The following PTCH2 variants were observed in gnomAD, a reference collection of about 807,000 sequenced individuals.
PTCH2 encodes protein patched homolog 2.
Under a neutral mutation model 117.9 loss-of-function variants are expected in PTCH2, and 96 were observed. The observed-to-expected ratio is 0.81, with a 90% CI of 0.69 to 0.96. The LOEUF is 0.96. Among genes scored for constraint, PTCH2 ranks in the 50% least tolerant of loss-of-function variants. The pLI is 0.00. For missense variants in PTCH2, 1,379 were observed against 1,562.5 expected, an observed-to-expected ratio of 0.88 and a Z score of 1.98; for synonymous variants, 615 against 660.9, an observed-to-expected ratio of 0.93 and a Z score of 1.06.
rs1277997297 is a variant in PTCH2, at chr1:44,826,331, G to A, written c.3033C>T (p.Gly1011=). The A allele has an allele frequency of 2.5e-6, 4 of 1,614,012 alleles. No individual in the cohort carries two copies. Among genetic ancestry groups the A allele is most frequent in the Non-Finnish European group, 3.4e-6 (4 of 1,180,036 alleles). ...CCACGGGGATGGCACTCAGCTTGAT[G>A]CCCAGGAAACCCATGATACCAAAGA... ...VELFGIMGFL[G]IKLSAIPVVI... is the part of the protein sequence containing the mutation. Residue 1011 remains glycine (G), a synonymous_variant, in exon 19 of 22, where the codon GGC becomes GGT. Coordinates refer to ENST00000372192, the MANE Select transcript of PTCH2 (RefSeq NM_003738.5). This position sits in a 1 kb window ranked among gnomAD's most constrained non-coding sequence, Gnocchi z 5.1.
chr1:44,834,277 G>A (rs769603081), intron 2 of PTCH2, among the ~76,000 whole-genome samples: 10 of 152,018 alleles, frequency 6.6e-5, no homozygotes, highest in Non-Finnish European at 1.0e-4. Flanking sequence ...CTGCCACTAC[G>A]CCTGGCTAAT....
At chr1:44,840,101 ATTTT>A (rs1161806201) in intron 2 of PTCH2, among the ~76,000 whole-genome samples, 2 of 132,324 alleles carry the variant, frequency 1.5e-5, no homozygotes. Flanking sequence ...TCATGCTGAA[ATTTT>A]TTTTTTTTTT....
In PTCH2 at chr1:44,842,923, A is replaced by T; in HGVS notation, c.10T>A (p.Ser4Thr). The change falls in exon 1 of 22, where the codon TCG becomes ACG. Residue 4 changes from serine to threonine, a missense_variant. Coordinates refer to ENST00000372192, the MANE Select transcript of PTCH2 (RefSeq NM_003738.5). ...GGGGGCAGCTCTCTGAGGGGCGGCG[A>T]TCGAGTCATGCTGGCGGGGATGGGG... MTR[S>T]PPLRELPPSY... is the part of the protein sequence containing the mutation. The T allele has an allele frequency of 1.3e-6, 2 of 1,546,626 alleles. No homozygotes were observed. The highest frequency in any genetic ancestry group is 1.7e-6 in the Non-Finnish European group (2 of 1,144,960).
rs563202953 is a variant in PTCH2 at position 44,840,813 on chromosome 1, G to A, written c.265+1034C>T. On this transcript the variant is annotated intron_variant, in intron 2 of 21. Transcript: ENST00000372192. The stretch of plus-strand genomic sequence containing the variant: ...GGTGGCTGAGGCACAAGAATCACTT[G>A]ACCCTGGGAGGTGGAGGTTGCACTG... 3.3e-5 allele frequency among the ~76,000 whole-genome samples: 5 copies of A among 152,234 alleles called. No homozygotes were observed. The South Asian group carries it at 1.0e-3, about 32-fold the overall frequency.
rs750219632 is a variant in PTCH2, at chr1:44,832,252, C to T, written c.355G>A (p.Ala119Thr). 7.4e-6 allele frequency: 12 copies of T among 1,614,066 alleles called. No homozygotes were observed. The highest frequency in any genetic ancestry group is 3.3e-4 in the Middle Eastern group (2 of 6,084). Residue 119 changes from alanine to threonine, a missense_variant, in exon 3 of 22, where the codon GCA (alanine) becomes ACA (threonine). Physicochemically the swap from Ala to Thr is moderately conservative, Grantham distance 58. Transcript: ENST00000372192. ...AGGATGTTCTCTCCCTCCTGGCGTG[C>T]GGTCTGTATCAGCATCTGAGAGGTG... ...AYTSQMLIQT[A>T]RQEGENILTP...
At position 44,827,249 on chromosome 1, in the gene PTCH2, C is replaced by A. The variant is rs112613379; in HGVS notation, c.2432G>T (p.Arg811Leu). The part of the protein sequence containing the change: ...ASGRITRHSY[R>L]NGSEDGALAY... ...CAGGGCCCCATCCTCAGAGCCATTG[C>A]GGTACGAGTGGCGGGTGATGCGCCC... Residue 811 changes from arginine to leucine, a missense_variant, in exon 16 of 22, where the codon CGC (arginine) becomes CTC (leucine). Coordinates refer to ENST00000372192, the MANE Select transcript of PTCH2 (RefSeq NM_003738.5). The A allele has an allele frequency of 9.3e-6, 15 of 1,614,164 alleles. No individual in the cohort carries two copies. The highest frequency in any genetic ancestry group is 1.3e-5 in the Non-Finnish European group (15 of 1,180,028).
chr1:44,830,599 AAAAAAG>A (rs1411357139), intron 6 of PTCH2, among the ~76,000 whole-genome samples: 1 of 150,494 alleles, frequency 6.6e-6, no homozygotes, highest in East Asian at 1.9e-4. Flanking sequence ...AAAAAAAAAA[AAAAAAG>A]AAGTCCAGCC....
In PTCH2 at chr1:44,839,218, C is replaced by CA. The variant is rs1206238274; in HGVS notation, c.265+2628dup. Among the ~76,000 whole-genome samples, 5 of 151,846 alleles carry CA rather than the reference C, an allele frequency of 3.3e-5. No individual in the cohort carries two copies. The East Asian group carries it at 5.8e-4, about 18-fold the overall frequency. The stretch of plus-strand genomic sequence containing the variant: ...TGACACCCTGTTTCTACTAAAAATA[C>CA]AAAAAAATTAGCCGGGCATGGTGGC... On this transcript the variant is annotated intron_variant, in intron 2 of 21. Coordinates refer to ENST00000372192, the MANE Select transcript of PTCH2 (RefSeq NM_003738.5).
rs1270521718 is a variant in PTCH2, at chr1:44,827,166, C to A, written c.2514+1G>T. The A allele has an allele frequency of 6.8e-6, 11 of 1,613,958 alleles. No homozygotes were observed. Among genetic ancestry groups the A allele is most frequent in the African/African-American group, 1.3e-5 (1 of 74,936 alleles). On this transcript the variant is annotated splice_donor_variant, in intron 16 of 21. Transcript: ENST00000372192. LOFTEE classifies it high-confidence loss of function. ...GTGGACCCCTCCAGCCCTCTCCCAA[C>A]CTGGCTGAAATCCAGAGGCTCCTGG...
At position 44,829,107 on chromosome 1, in the gene PTCH2, C is replaced by T. The variant is rs201135327; in HGVS notation, c.1372-33G>A. On this transcript the variant is annotated intron_variant, in intron 10 of 21. Coordinates refer to ENST00000372192, the MANE Select transcript of PTCH2 (RefSeq NM_003738.5). ...GGCAGAGGAGCGGGCAGCTGAGGAC[C>T]CGTGAAGCCTGGTGACTGGCACTGA... 2.3e-3 allele frequency: 3,668 copies of T among 1,613,610 alleles called. 8 individuals carry two copies. Among genetic ancestry groups the T allele is most frequent in the Non-Finnish European group, 2.5e-3 (2,907 of 1,179,914 alleles).
In PTCH2 at chr1:44,826,132, TA is replaced by T; in HGVS notation, c.3114+117del. ...AAGTGCTGGGATTACAGGAATGAGC[TA>T]CCACGTCCACCCAGCCCAAATTCTT... is the stretch of plus-strand genomic sequence containing the variant. On this transcript the variant is annotated intron_variant, in intron 19 of 21. Coordinates refer to ENST00000372192, the MANE Select transcript of PTCH2 (RefSeq NM_003738.5). The surrounding 1 kb of genome is among the most constrained non-coding windows in gnomAD (Gnocchi z 5.1). The T allele has an allele frequency of 1.5e-6, 2 of 1,370,516 alleles. No individual in the cohort carries two copies. Among genetic ancestry groups the T allele is most frequent in the Non-Finnish European group, 2.0e-6 (2 of 989,930 alleles). 84.9% of individuals were successfully genotyped at this position (1,370,516 alleles called of 1,614,324 possible).
At chr1:44,840,292 G>A (rs1653888760) in intron 2 of PTCH2, among the ~76,000 whole-genome samples, 1 of 151,174 alleles carries the variant, frequency 6.6e-6, no homozygotes, top group South Asian at 2.1e-4. Flanking sequence ...TAGTAGAGAT[G>A]GGGTTTTATT....
rs113649160 is a variant in PTCH2 at position 44,831,934 on chromosome 1, A to G, written c.525+41T>C. ...CTCGGTCTCTGAGTCCTCCCACGCT[A>G]CAGAAAAAGTTCTGCCTCTACTCCC... On this transcript the variant is annotated intron_variant, in intron 4 of 21. Coordinates refer to ENST00000372192, the MANE Select transcript of PTCH2 (RefSeq NM_003738.5). The surrounding 1 kb of genome is among the most constrained non-coding windows in gnomAD (Gnocchi z 4.3). The G allele has an allele frequency of 6.3e-7, 1 of 1,583,590 alleles. No individual in the cohort carries two copies. Among genetic ancestry groups the G allele is most frequent in the South Asian group, 1.1e-5 (1 of 90,462 alleles).
downstream of PTCH2, chr1:44,820,613 C>A: frequency 1.4e-6 from 1 of 692,644 alleles, no homozygotes; most frequent in Non-Finnish European, 2.7e-6. Flanking sequence ...ATTAGGGACC[C>A]GAAGACCAAT....
In PTCH2 at chr1:44,831,001, C is replaced by T. The variant is rs2148879255; in HGVS notation, c.660G>A (p.Gln220=). ...DIQWTNLDPE[Q]LLEELGPFAS... ...CAAAGGGACCCAGCTCCTCCAGCAG[C>T]TGCTCTGGATCCAGGTTGGTCCACT... Residue 220 remains glutamine (Q), a synonymous_variant, in exon 6 of 22, where the codon CAG becomes CAA. Transcript: ENST00000372192. The surrounding 1 kb of genome is among the most constrained non-coding windows in gnomAD (Gnocchi z 4.3). 1 of 1,612,346 alleles carries T rather than the reference C, an allele frequency of 6.2e-7. No individual in the cohort carries two copies. The highest frequency in any genetic ancestry group is 1.3e-5 in the African/African-American group (1 of 75,028).
chr1:44,830,920 G>A lies in PTCH2; in HGVS notation c.741C>T (p.Tyr247=), dbSNP rs771872936. 2.1e-5 allele frequency: 33 copies of A among 1,594,460 alleles called. No individual in the cohort carries two copies. The South Asian group carries it at 2.1e-4, about 10-fold the overall frequency. The change falls in exon 6 of 22, where the codon TAC becomes TAT. Residue 247 remains tyrosine (Y), a synonymous_variant. Coordinates refer to ENST00000372192, the MANE Select transcript of PTCH2 (RefSeq NM_003738.5). ...CAGGGTGCAGACAGGGCCGCCCCAC[G>A]TAGGCCTGGCCCACCTGTGCCTTGT... ...LLDKAQVGQA[Y]VGRPCLHPDD...
In PTCH2 at chr1:44,829,648, G is replaced by A; in HGVS notation, c.1049C>T (p.Thr350Ile). ...GCGCCGCTGCCAGGCTTGTAGCACT[G>A]TGCTGGCCTGCTCCTCACTCCAGCC... Reference protein sequence around the residue: ...DIGWSEEQASTVLQAWQRRFV... With the variant: ...DIGWSEEQASIVLQAWQRRFV... The change falls in exon 8 of 22, where the codon ACA becomes ATA. Residue 350 changes from threonine (T) to isoleucine (I), a missense_variant. Coordinates refer to ENST00000372192, the MANE Select transcript of PTCH2 (RefSeq NM_003738.5). The A allele has an allele frequency of 8.7e-6, 14 of 1,614,216 alleles. No homozygotes were observed. Among genetic ancestry groups the A allele is most frequent in the Non-Finnish European group, 1.2e-5 (14 of 1,180,046 alleles).
Position 44,830,956 on chromosome 1 carries a change from C to T in PTCH2, c.705G>A (p.Arg235=). The change falls in exon 6 of 22, where the codon CGG becomes CGA. Residue 235 remains arginine (R), a synonymous_variant. Coordinates refer to ENST00000372192, the MANE Select transcript of PTCH2 (RefSeq NM_003738.5). The part of the protein sequence containing the change: ...LGPFASLEGF[R]ELLDKAQVGQ... Reference sequence around the variant, plus strand: ...CCACCTGTGCCTTGTCTAGCAGCTCCCGGAAGCCCTCAAGGGAGGCAAAGG... The same window carrying T: ...CCACCTGTGCCTTGTCTAGCAGCTCTCGGAAGCCCTCAAGGGAGGCAAAGG... 6.2e-7 allele frequency: 1 copy of T among 1,610,290 alleles called. No individual in the cohort carries two copies.
intron 7 of PTCH2, 67 bp from the exon 8 acceptor site, chr1:44,829,828 C>G: frequency 6.2e-7 from 1 of 1,613,902 alleles, no homozygotes; most frequent in South Asian, 1.1e-5. Flanking sequence ...ATGTGAAGGG[C>G]CTTTTGCCAG....
Sources: gnomAD v4.1 joint callset for allele counts (sites outside exome capture counted in the v4.1 genomes callset) on GRCh38, gnomAD v4.1.1 for gene constraint, Gnocchi (gnomAD v3.1) non-coding constraint, MANE v1.5 for transcripts, NCBI Gene and HGNC (gene_info 2026-07-23, HGNC 2026-07-21) for gene names.